Variants in RAF1 observed in about 807,000 individuals in gnomAD.
RAF1 encodes the protein RAF proto-oncogene serine/threonine-protein kinase.
Under a neutral mutation model 81.1 loss-of-function variants are expected in RAF1, and 27 were observed. The observed-to-expected ratio is 0.33, with a 90% confidence interval of 0.25 to 0.46. The LOEUF is 0.46. Ranked by LOEUF, RAF1 falls within the 20% of genes least tolerant of loss-of-function variation. RAF1 has a pLI of 1.00. For missense variants in RAF1, 598 were observed against 826.0 expected, an observed-to-expected ratio of 0.72 and a Z score of 3.38; for synonymous variants, 298 against 294.0, an observed-to-expected ratio of 1.01 and a Z score of -0.14.
At chr3:12,652,719 G>T (rs1219158334) in intron 1 of RAF1, among the ~76,000 whole-genome samples, 1 of 151,762 alleles carries the variant, frequency 6.6e-6, no homozygotes, top group African/African-American at 2.4e-5. Context: ...AGGCAGAGGC[G>T]GGTGGATCAC....
intron 1 of RAF1, among the ~76,000 whole-genome samples, chr3:12,650,771 G>A (rs1458418101): frequency 6.6e-6 from 1 of 152,180 alleles, no homozygotes; most frequent in Non-Finnish European, 1.5e-5. Context: ...TGGGCTAAGA[G>A]CTTTCAGGAA....
intron 1 of RAF1, among the ~76,000 whole-genome samples, chr3:12,640,674 A>T (rs1295229395): frequency 6.6e-6 from 1 of 152,166 alleles, no homozygotes; most frequent in East Asian, 1.9e-4. Context: ...ATACCATCTC[A>T]CACCAGTTAG....
At chr3:12,602,969 GAGCACC>G in intron 8 of RAF1, among the ~76,000 whole-genome samples, 1 of 152,254 alleles carries the variant, frequency 6.6e-6, no homozygotes, top group East Asian at 1.9e-4. Flanking sequence ...CCAATGCTGT[GAGCACC>G]AACTAAGTAA....
chr3:12,587,499 G>A, intron 14 of RAF1, 92 bp downstream of exon 13: 1 of 1,187,196 alleles, frequency 8.4e-7, no homozygotes, highest in Non-Finnish European at 1.3e-6. Flanking sequence ...GATATCCCCT[G>A]GCACCGAGAG....
intron 2 of RAF1, among the ~76,000 whole-genome samples, chr3:12,616,322 A>C (rs892817468): frequency 6.6e-6 from 1 of 152,218 alleles, no homozygotes; most frequent in Admixed American, 6.5e-5. Context: ...AGATAGTCTC[A>C]ATAACACTTT....
intron 1 of RAF1, among the ~76,000 whole-genome samples, chr3:12,651,836 C>A (rs1258590840): frequency 6.6e-6 from 1 of 151,006 alleles, no homozygotes; most frequent in South Asian, 2.1e-4. Context: ...ATGGTGAAAA[C>A]CCGTCTCTAC....
intron 1 of RAF1, among the ~76,000 whole-genome samples, chr3:12,632,198 C>G (rs556417976): frequency 6.6e-6 from 1 of 151,956 alleles, no homozygotes; most frequent in South Asian, 2.1e-4. Flanking sequence ...GTGGCGCATG[C>G]CTGTAGTCCC....
intron 2 of RAF1, among the ~76,000 whole-genome samples, chr3:12,613,280 A>G: frequency 6.6e-6 from 1 of 152,234 alleles, no homozygotes; most frequent in East Asian, 1.9e-4. Flanking sequence ...AATCAAAAGT[A>G]AGGTAACTAG....
chr3:12,585,656 T>G (rs2058311095), intron 15 of RAF1, 25 bp downstream of exon 14: 4 of 1,554,352 alleles, frequency 2.6e-6, no homozygotes, highest in Non-Finnish European at 3.6e-6. Flanking sequence ...TACCAGAGAC[T>G]GCTGGTGGGA....
At chr3:12,646,533 C>T (rs943205003) in intron 1 of RAF1, among the ~76,000 whole-genome samples, 1 of 150,988 alleles carries the variant, frequency 6.6e-6, no homozygotes, top group African/African-American at 2.4e-5. Context: ...ACCACCAACG[C>T]CCTGCTAATT....
intron 1 of RAF1, among the ~76,000 whole-genome samples, chr3:12,646,239 C>G (rs1280804558): frequency 6.6e-6 from 1 of 152,194 alleles, no homozygotes; most frequent in East Asian, 1.9e-4. Flanking sequence ...CTCCTGGGCT[C>G]AAGCAATCCT....
chr3:12,622,706 C>A (rs1167020049), intron 1 of RAF1, among the ~76,000 whole-genome samples: 2 of 152,132 alleles, frequency 1.3e-5, no homozygotes, highest in Non-Finnish European at 2.9e-5. Context: ...CAGAACCCTG[C>A]CAATCTTGCT....
Position 12,612,044 on chromosome 3 carries a change from T to C in RAF1, c.226A>G (p.Met76Val), listed in dbSNP as rs730880999. Reference sequence around the variant, plus strand: ...TTCATAAGGCAGTCATGCAAGCTCATTCCATTTCGCACATTGACCTACAAA... The same window carrying C: ...TTCATAAGGCAGTCATGCAAGCTCACTCCATTTCGCACATTGACCTACAAA... Residue 76 changes from methionine (M) to valine (V), a missense_variant, in exon 3 of 18, where the codon ATG becomes GTG. Physicochemically the swap from Met to Val is conservative, Grantham distance 21 (BLOSUM62 1). Transcript: ENST00000442415. 3 of 1,614,114 alleles carry C rather than the reference T, an allele frequency of 1.9e-6. No individual in the cohort carries two copies. The highest frequency in any genetic ancestry group is 2.5e-6 in the Non-Finnish European group (3 of 1,180,008).
chr3:12,593,010 G>A lies in RAF1; in HGVS notation c.1169-1218C>T, dbSNP rs184301070. 6.1e-3 allele frequency among the ~76,000 whole-genome samples: 926 copies of A among 151,760 alleles called. 4 individuals carry two copies. The highest frequency in any genetic ancestry group is 0.01 in the Non-Finnish European group (697 of 67,898). On this transcript the variant is annotated intron_variant, in intron 11 of 17. Coordinates refer to ENST00000442415, the MANE Select transcript of RAF1 (RefSeq NM_001354689.3). The stretch of plus-strand genomic sequence containing the variant: ...CCACCTCGGCCTCCCAAAGTGCTGG[G>A]ATTACAGGTATGAGCCACCGTGCCT...
chr3:12,587,648 A>G lies in RAF1; in HGVS notation c.1431-11T>C. 4 of 1,601,420 alleles carry G rather than the reference A, an allele frequency of 2.5e-6. No homozygotes were observed. The East Asian group carries it at 8.9e-5, about 36-fold the overall frequency. On this transcript the variant is annotated splice_polypyrimidine_tract_variant and intron_variant, in intron 13 of 17. Transcript: ENST00000442415. ...TTTGCATGCAAATAGCTGTGAAGGG[A>G]AAAGAAATTATTAAAAATAAGTTTG...
At chr3:12,604,695 A>G (rs866873915) in intron 6 of RAF1, among the ~76,000 whole-genome samples, 2 of 152,232 alleles carry the variant, frequency 1.3e-5, no homozygotes, top group Admixed American at 1.3e-4. Flanking sequence ...ATTTAAACAG[A>G]TAAGTAGACG....
At chr3:12,628,702 C>G (rs1049955729) in intron 1 of RAF1, among the ~76,000 whole-genome samples, 1 of 136,792 alleles carries the variant, frequency 7.3e-6, no homozygotes, top group South Asian at 2.3e-4. Flanking sequence ...AATGGATACA[C>G]TGGCAGTAAC....
chr3:12,641,518 G>T (rs2060186471), intron 1 of RAF1, among the ~76,000 whole-genome samples: 1 of 146,738 alleles, frequency 6.8e-6, no homozygotes, highest in African/African-American at 2.5e-5. Flanking sequence ...TTGAAACAGG[G>T]TCTCGCTCTG....
intron 11 of RAF1, among the ~76,000 whole-genome samples, chr3:12,598,094 C>G (rs1392120205): frequency 6.7e-6 from 1 of 149,248 alleles, no homozygotes; most frequent in Non-Finnish European, 1.5e-5. Context: ...ATTGAGCTCA[C>G]TACAACATTC....
Sources: allele counts gnomAD v4.1 joint callset (sites outside exome capture counted in the v4.1 genomes callset), GRCh38; gene constraint gnomAD v4.1.1; transcripts MANE v1.5; gene names NCBI Gene and HGNC (gene_info 2026-07-23, HGNC 2026-07-21).